DCUN1D5: variants seen among roughly 807,000 people sequenced by gnomAD.
DCUN1D5 encodes DCN1-like protein 5.
A neutral mutation model predicts 38.3 loss-of-function variants in DCUN1D5; 10 were observed. The ratio of observed to expected loss-of-function variants is 0.26; its 90% CI spans 0.16 to 0.44. The LOEUF is 0.44. Ranked by LOEUF, DCUN1D5 falls within the 20% of genes least tolerant of loss-of-function variation. DCUN1D5 has a pLI of 1.00. For synonymous variants in DCUN1D5, 93 were observed against 90.9 expected, an observed-to-expected ratio of 1.02 and a Z score of -0.13; for missense variants, 148 against 275.3, an observed-to-expected ratio of 0.54 and a Z score of 3.27.
intron 1 of DCUN1D5, among the ~76,000 whole-genome samples, chr11:103,089,896 T>TGGGA (rs1862812820): frequency 6.6e-6 from 1 of 152,066 alleles, no homozygotes; most frequent in Non-Finnish European, 1.5e-5. Flanking sequence ...TCCAAATAAT[T>TGGGA]GGGACAAGGC....
At chr11:103,080,966 G>A (rs113569385) in intron 4 of DCUN1D5, among the ~76,000 whole-genome samples, 3,868 of 151,402 alleles carry the variant, frequency 0.026, 70 homozygotes, top group Non-Finnish European at 0.042. Context: ...CCAAGATCGC[G>A]CCACTGTACT....
Position 103,058,767 on chromosome 11 carries a change from A to T in DCUN1D5, c.*3592T>A, listed in dbSNP as rs1861938569. On this transcript the variant is annotated 3_prime_UTR_variant, in exon 8 of 8. Transcript: ENST00000260247. The stretch of plus-strand genomic sequence containing the variant: ...TCCTCTTTCTCCTGAAAAAAAAATG[A>T]TCCTTTCTTTGAAATGTTTCCTTGT... 6.6e-6 allele frequency among the ~76,000 whole-genome samples: 1 copy of T among 151,966 alleles called. No individual in the cohort carries two copies. The highest frequency in any genetic ancestry group is 1.5e-5 in the Non-Finnish European group (1 of 67,962).
intron 2 of DCUN1D5, among the ~76,000 whole-genome samples, 195 bp downstream of exon 2, chr11:103,089,032 G>A (rs915084184): frequency 1.6e-4 from 25 of 151,880 alleles, no homozygotes; most frequent in African/African-American, 5.6e-4. Context: ...AATATATACC[G>A]AATATATATT....
Position 103,091,412 on chromosome 11 carries a change from G to T in DCUN1D5, c.86+375C>A. ...CTAGAAGTGACCCTTCTGCGGATAT[G>T]TACTCACTTCTAAGTCTAGAAAAAG... is the stretch of plus-strand genomic sequence containing the variant. On this transcript the variant is annotated intron_variant, in intron 1 of 7. Transcript: ENST00000260247. The surrounding 1 kb of genome is among the most constrained non-coding windows in gnomAD (Gnocchi z 4.3). 1 of 233,466 alleles carries T rather than the reference G, an allele frequency of 4.3e-6. No individual in the cohort carries two copies. Among genetic ancestry groups the T allele is most frequent in the Non-Finnish European group, 8.6e-6 (1 of 116,266 alleles). The allele number at this position is 233,466 out of a possible 1,614,324, so 14.5% of individuals were successfully genotyped here.
Position 103,056,275 on chromosome 11 carries a change from C to A in DCUN1D5, c.*6084G>T, listed in dbSNP as rs529080182. Among the ~76,000 whole-genome samples the A allele has an allele frequency of 1.3e-5, 2 of 152,216 alleles. No homozygotes were observed. Among genetic ancestry groups the A allele is most frequent in the South Asian group, 4.1e-4 (2 of 4,824 alleles). The stretch of plus-strand genomic sequence containing the variant: ...CCTACAATCAGGCAGGATTATTACT[C>A]CCAATCTCTCTCAGTTCATTTTCTA... On this transcript the variant is annotated 3_prime_UTR_variant, in exon 8 of 8. Transcript: ENST00000260247. This position sits in a 1 kb window ranked among gnomAD's most constrained non-coding sequence, Gnocchi z 4.9.
intron 2 of DCUN1D5, among the ~76,000 whole-genome samples, chr11:103,088,940 A>G (rs1862782078): frequency 6.6e-6 from 1 of 150,998 alleles, no homozygotes; most frequent in Non-Finnish European, 1.5e-5. Context: ...TTTCCAGAAT[A>G]CTACTTTAGC....
intron 4 of DCUN1D5, among the ~76,000 whole-genome samples, chr11:103,072,078 G>C (rs1380996236): frequency 6.6e-6 from 1 of 151,346 alleles, no homozygotes; most frequent in Non-Finnish European, 1.5e-5. Flanking sequence ...CCTCAACTTC[G>C]TAGAGCATAA....
intron 2 of DCUN1D5, among the ~76,000 whole-genome samples, chr11:103,088,509 A>T (rs1848814030): frequency 6.6e-6 from 1 of 152,070 alleles, no homozygotes; most frequent in Admixed American, 6.6e-5. Flanking sequence ...CTAAAACACA[A>T]CCCCATCCTG....
At position 103,091,626 on chromosome 11, in the gene DCUN1D5, G is replaced by A; in HGVS notation, c.86+161C>T. The stretch of plus-strand genomic sequence containing the variant: ...CACACTCGAACACGAGGTCGGGTCG[G>A]GCGCGGAGACTCGCGGTGTTCGGCA... On this transcript the variant is annotated intron_variant, in intron 1 of 7. Transcript: ENST00000260247. The surrounding 1 kb of genome is among the most constrained non-coding windows in gnomAD (Gnocchi z 4.3). The A allele has an allele frequency of 7.5e-7, 1 of 1,334,354 alleles. No individual in the cohort carries two copies. The highest frequency in any genetic ancestry group is 1.0e-6 in the Non-Finnish European group (1 of 961,024). The allele number at this position is 1,334,354 out of a possible 1,614,324, so 82.7% of individuals were successfully genotyped here. A position where few individuals can be genotyped will look rare whatever the true frequency, so the allele number is the denominator to read the frequency against.
rs942895510 is a variant in DCUN1D5 at position 103,063,969 on chromosome 11, T to C, written c.658+306A>G. ...AAATCATGACTGTACTTTTCTTCCA[T>C]AGGCAAATGCCAGGAAAGACAGAAA... On this transcript the variant is annotated intron_variant, in intron 7 of 7. Coordinates refer to ENST00000260247, the MANE Select transcript of DCUN1D5 (RefSeq NM_032299.4). This position sits in a 1 kb window ranked among gnomAD's most constrained non-coding sequence, Gnocchi z 4.6. Among the ~76,000 whole-genome samples the C allele has an allele frequency of 2.0e-5, 3 of 152,174 alleles. No individual in the cohort carries two copies. The highest frequency in any genetic ancestry group is 2.9e-5 in the Non-Finnish European group (2 of 67,984).
At chr11:103,088,836 T>G (rs1273216058) in intron 2 of DCUN1D5, among the ~76,000 whole-genome samples, 2 of 152,190 alleles carry the variant, frequency 1.3e-5, no homozygotes, top group African/African-American at 4.8e-5. Flanking sequence ...TCAGAAAAAT[T>G]TCAAAAAGAG....
At position 103,073,859 on chromosome 11, in the gene DCUN1D5, G is replaced by A. The variant is rs887733522; in HGVS notation, c.342-7292C>T. Among the ~76,000 whole-genome samples, 1 of 152,126 alleles carries A rather than the reference G, an allele frequency of 6.6e-6. No homozygotes were observed. Among genetic ancestry groups the A allele is most frequent in the East Asian group, 1.9e-4 (1 of 5,192 alleles). ...AGGCTCAGGCGGGCAGATCACTTGA[G>A]GTCAGGATTTTGAGACCAGCCTGGC... On this transcript the variant is annotated intron_variant, in intron 4 of 7. Transcript: ENST00000260247. This position sits in a 1 kb window ranked among gnomAD's most constrained non-coding sequence, Gnocchi z 4.2.
At chr11:103,088,739 T>A (rs1204067635) in intron 2 of DCUN1D5, among the ~76,000 whole-genome samples, 2 of 152,234 alleles carry the variant, frequency 1.3e-5, no homozygotes, top group Admixed American at 6.5e-5. Flanking sequence ...AAATGATAAT[T>A]GTTAAAAAGT....
rs1862106343 is a variant in DCUN1D5 at position 103,065,261 on chromosome 11, C to T, written c.556-884G>A. Among the ~76,000 whole-genome samples the T allele has an allele frequency of 6.6e-6, 1 of 151,938 alleles. No individual in the cohort carries two copies. Among genetic ancestry groups the T allele is most frequent in the Non-Finnish European group, 1.5e-5 (1 of 67,998 alleles). On this transcript the variant is annotated intron_variant, in intron 6 of 7. Transcript: ENST00000260247. This position sits in a 1 kb window ranked among gnomAD's most constrained non-coding sequence, Gnocchi z 4.6. ...CCACCTCCCTGGTTCAAGCAATTCT[C>T]GTGCCTCAGCCTCCCGAGTAGCTGG... is the stretch of plus-strand genomic sequence containing the variant.
At position 103,091,906 on chromosome 11, in the gene DCUN1D5, C is replaced by G. The variant is rs763578980; in HGVS notation, c.-34G>C. ...CTCCCCGGCAGGGTGGGCAGGGGAGCCGGGGAAGGGGGTCCCTGTCCGCTG... is the reference window on the plus strand; with the variant it reads ...CTCCCCGGCAGGGTGGGCAGGGGAGGCGGGGAAGGGGGTCCCTGTCCGCTG... On this transcript the variant is annotated 5_prime_UTR_variant, in exon 1 of 8. Transcript: ENST00000260247. The surrounding 1 kb of genome is among the most constrained non-coding windows in gnomAD (Gnocchi z 4.3). 1 of 1,594,070 alleles carries G rather than the reference C, an allele frequency of 6.3e-7. No individual in the cohort carries two copies. The highest frequency in any genetic ancestry group is 8.6e-7 in the Non-Finnish European group (1 of 1,168,248).
chr11:103,087,877 T>C lies in DCUN1D5; in HGVS notation c.178+1350A>G, dbSNP rs562240711. 3.5e-4 allele frequency among the ~76,000 whole-genome samples: 54 copies of C among 152,318 alleles called. No homozygotes were observed. Among genetic ancestry groups the C allele is most frequent in the Non-Finnish European group, 6.6e-4 (45 of 68,030 alleles). On this transcript the variant is annotated intron_variant, in intron 2 of 7. Coordinates refer to ENST00000260247, the MANE Select transcript of DCUN1D5 (RefSeq NM_032299.4). The surrounding 1 kb of genome is among the most constrained non-coding windows in gnomAD (Gnocchi z 4.1). The stretch of plus-strand genomic sequence containing the variant: ...TTTCTATTGTATCTAGTAACCTTTA[T>C]AAGTGAAATAAGATGGGTGACCTTT...
rs1255786168 is a variant in DCUN1D5 at position 103,061,740 on chromosome 11, C to A, written c.*619G>T. Among the ~76,000 whole-genome samples the A allele has an allele frequency of 6.6e-6, 1 of 151,940 alleles. No individual in the cohort carries two copies. Among genetic ancestry groups the A allele is most frequent in the Non-Finnish European group, 1.5e-5 (1 of 67,936 alleles). On this transcript the variant is annotated 3_prime_UTR_variant, in exon 8 of 8. Transcript: ENST00000260247. ...AGAAAACAAAACAACTGGACATAAT[C>A]TTTCCAATTCTAAGCTCTCTGAGAT...
chr11:103,089,859 C>CA (rs1296040519), intron 1 of DCUN1D5, among the ~76,000 whole-genome samples: 6 of 151,844 alleles, frequency 4.0e-5, no homozygotes, highest in African/African-American at 9.7e-5. Context: ...AAAAAAACAA[C>CA]AAAAAAACAC....
chr11:103,070,110 T>G (rs1207092823), intron 4 of DCUN1D5, among the ~76,000 whole-genome samples: 1 of 134,340 alleles, frequency 7.4e-6, no homozygotes, highest in South Asian at 2.4e-4. Flanking sequence ...ATATAAAGTC[T>G]CAGCAAAAAA....
Sources: allele counts gnomAD v4.1 joint callset (sites outside exome capture counted in the v4.1 genomes callset), GRCh38; gene constraint gnomAD v4.1.1; non-coding constraint Gnocchi (gnomAD v3.1); transcripts MANE v1.5; gene names NCBI Gene and HGNC (gene_info 2026-07-23, HGNC 2026-07-21).